The following OSBPL11 variants were observed in gnomAD, a reference collection of about 807,000 sequenced individuals.
OSBPL11 encodes the protein oxysterol-binding protein-related protein 11.
Under a neutral mutation model 84.4 loss-of-function variants are expected in OSBPL11, and 33 were observed. The observed-to-expected ratio is 0.39, with a 90% confidence interval of 0.30 to 0.52. The LOEUF (loss-of-function observed/expected upper bound fraction) is 0.52. OSBPL11 is among the 20% of genes least tolerant of loss of function. OSBPL11 has a pLI of 0.72. For synonymous variants in OSBPL11, 276 were observed against 310.2 expected (o/e 0.89, Z 1.16); for missense variants, 736 against 901.1 (o/e 0.82, Z 2.35).
intron 10 of OSBPL11, among the ~76,000 whole-genome samples, chr3:125,539,381 T>G (rs910436942): frequency 2.1e-5 from 3 of 146,232 alleles, no homozygotes; most frequent in Middle Eastern, 7.3e-3. Context: ...AGCAGATAGC[T>G]GTATTGATGC....
At chr3:125,560,937 G>A (rs1936067915) in intron 7 of OSBPL11, among the ~76,000 whole-genome samples, 1 of 152,012 alleles carries the variant, frequency 6.6e-6, no homozygotes, top group African/African-American at 2.4e-5. Context: ...GACCTCGAGC[G>A]ATCCACCCGC....
chr3:125,575,562 C>T (rs1211051512), intron 5 of OSBPL11, among the ~76,000 whole-genome samples: 1 of 151,772 alleles, frequency 6.6e-6, no homozygotes, highest in Non-Finnish European at 1.5e-5. Flanking sequence ...CAGGGTTTCA[C>T]TCTGCTACCC....
intron 9 of OSBPL11, among the ~76,000 whole-genome samples, chr3:125,549,640 C>G (rs140133219): frequency 5.9e-4 from 89 of 152,124 alleles, no homozygotes; most frequent in African/African-American, 2.0e-3. Context: ...AGCCAACATG[C>G]CCAGTTAATT....
chr3:125,585,919 A>G (rs938211308), intron 1 of OSBPL11, among the ~76,000 whole-genome samples: 1 of 152,152 alleles, frequency 6.6e-6, no homozygotes, highest in East Asian at 1.9e-4. Context: ...TCTAACTCTC[A>G]TGCTTTATTC....
chr3:125,575,369 G>A (rs1936306667), intron 5 of OSBPL11, among the ~76,000 whole-genome samples: 1 of 151,952 alleles, frequency 6.6e-6, no homozygotes, highest in East Asian at 1.9e-4. Flanking sequence ...ACATATATCA[G>A]TTATATATAT....
chr3:125,584,521 T>C (rs1239925221), intron 1 of OSBPL11, among the ~76,000 whole-genome samples: 1 of 152,240 alleles, frequency 6.6e-6, no homozygotes, highest in Non-Finnish European at 1.5e-5. Context: ...CCAAGATATT[T>C]CATAATTCGC....
At position 125,537,674 on chromosome 3, in the gene OSBPL11, A is replaced by G. The variant is rs571192357; in HGVS notation, c.2024+777T>C. Among the ~76,000 whole-genome samples, 3 of 151,898 alleles carry G rather than the reference A, an allele frequency of 2.0e-5. No individual in the cohort carries two copies. The East Asian group carries it at 5.8e-4, about 29-fold the overall frequency. ...TAAGATGTTTAGTGGTTCCCTGTATATTTTTTTTCTATTTTTAATTGATAG... is the reference window on the plus strand; with the variant it reads ...TAAGATGTTTAGTGGTTCCCTGTATGTTTTTTTTCTATTTTTAATTGATAG... On this transcript the variant is annotated intron_variant, in intron 11 of 12. Coordinates refer to ENST00000296220, the MANE Select transcript of OSBPL11 (RefSeq NM_022776.5).
chr3:125,580,252 C>T (rs1178667265), intron 2 of OSBPL11, among the ~76,000 whole-genome samples: 1 of 152,122 alleles, frequency 6.6e-6, no homozygotes, highest in Non-Finnish European at 1.5e-5. Context: ...CAGTGGCTCA[C>T]GCCTCTAATC....
At position 125,550,400 on chromosome 3, in the gene OSBPL11, CACACACAA is replaced by C. The variant is rs1261892817; in HGVS notation, c.1654+1773_1654+1780del. On this transcript the variant is annotated intron_variant, in intron 9 of 12. Transcript: ENST00000296220. ...ACACACACACACACACACACACACACACACACAACAAACAAAAAAAAAAAAAGAGAGTA... is the reference window on the plus strand; with the variant it reads ...ACACACACACACACACACACACACACCAAACAAAAAAAAAAAAAGAGAGTA... Among the ~76,000 whole-genome samples, 5 of 125,086 alleles carry C rather than the reference CACACACAA, an allele frequency of 4.0e-5. 1 individual carries two copies. Among genetic ancestry groups the C allele is most frequent in the Admixed American group, 7.8e-5 (1 of 12,804 alleles). 82.1% of individuals were successfully genotyped at this position (125,086 alleles called of 152,430 possible).
chr3:125,594,116 T>C (rs1473465885), intron 1 of OSBPL11, among the ~76,000 whole-genome samples: 1 of 152,214 alleles, frequency 6.6e-6, no homozygotes, highest in Non-Finnish European at 1.5e-5. Flanking sequence ...ATCAGAGGCA[T>C]TAGGATCTCT....
intron 6 of OSBPL11, among the ~76,000 whole-genome samples, chr3:125,564,411 TA>T (rs1253454312): frequency 3.9e-5 from 6 of 152,224 alleles, no homozygotes; most frequent in Non-Finnish European, 8.8e-5. Flanking sequence ...GAATAAATAA[TA>T]ACTGACCCAG....
rs77522517 is a variant in OSBPL11 at position 125,532,729 on chromosome 3, C to G, written c.2025-715G>C. On this transcript the variant is annotated intron_variant, in intron 11 of 12. Coordinates refer to ENST00000296220, the MANE Select transcript of OSBPL11 (RefSeq NM_022776.5). Reference sequence around the variant, plus strand: ...CTACCATAAACCCAGCAATTCCACTCCTGGGTATTTACCCAAGAAAAATGA... The same window carrying G: ...CTACCATAAACCCAGCAATTCCACTGCTGGGTATTTACCCAAGAAAAATGA... Among the ~76,000 whole-genome samples, 1,580 of 151,936 alleles carry G rather than the reference C, an allele frequency of 0.01. 85 individuals are homozygous for G. The East Asian group carries it at 0.13, about 12-fold the overall frequency.
At position 125,559,931 on chromosome 3, in the gene OSBPL11, T is replaced by A. The variant is rs1164158142; in HGVS notation, c.1155+448A>T. The stretch of plus-strand genomic sequence containing the variant: ...AAATAAAAAATACTGATCAGGAGAC[T>A]AAAAAAAAAAAATCATAAAAAATAA... On this transcript the variant is annotated intron_variant, in intron 8 of 12. Transcript: ENST00000296220. Among the ~76,000 whole-genome samples, 12 of 142,392 alleles carry A rather than the reference T, an allele frequency of 8.4e-5. No homozygotes were observed. The Admixed American group carries it at 8.4e-4, about 10-fold the overall frequency. 93.4% of individuals were successfully genotyped at this position (142,392 alleles called of 152,430 possible). A position where few individuals can be genotyped will look rare whatever the true frequency, so the allele number is the denominator to read the frequency against.
At chr3:125,550,855 A>G (rs1179400526) in intron 9 of OSBPL11, among the ~76,000 whole-genome samples, 1 of 152,174 alleles carries the variant, frequency 6.6e-6, no homozygotes, top group Non-Finnish European at 1.5e-5. Context: ...TAGCACCTAA[A>G]TATTCTATGA....
chr3:125,595,299 G>A lies in OSBPL11; in HGVS notation c.-499C>T, dbSNP rs968023230. On this transcript the variant is annotated 5_prime_UTR_variant, in exon 1 of 13. Transcript: ENST00000296220. ...CGCCGCAGCCCCCGAGATACAGCCA[G>A]GGCCGGCGCGCGCAGCCGGGGAGGA... Among the ~76,000 whole-genome samples the A allele has an allele frequency of 3.9e-5, 6 of 152,146 alleles. No homozygotes were observed. The highest frequency in any genetic ancestry group is 1.4e-4 in the African/African-American group (6 of 41,448).
At chr3:125,569,157 C>T (rs1297413690) in intron 5 of OSBPL11, among the ~76,000 whole-genome samples, 1 of 152,048 alleles carries the variant, frequency 6.6e-6, no homozygotes, top group Non-Finnish European at 1.5e-5. Flanking sequence ...CCATGAGGCC[C>T]ATGCTGGTCT....
intron 1 of OSBPL11, among the ~76,000 whole-genome samples, chr3:125,585,065 C>A (rs910165067): frequency 6.6e-6 from 1 of 152,080 alleles, no homozygotes; most frequent in Non-Finnish European, 1.5e-5. Flanking sequence ...CAGGCATGAG[C>A]CACAAATTTT....
At chr3:125,547,731 C>T (rs1345493579) in intron 9 of OSBPL11, 139 bp from the exon 10 acceptor site, 4 of 640,492 alleles carry the variant, frequency 6.2e-6, no homozygotes, top group Non-Finnish European at 1.0e-5. Flanking sequence ...ATGAAACTGA[C>T]TTCATTTATA....
In OSBPL11 at chr3:125,594,665, C is replaced by CGCGGCT. The variant is rs1553737707; in HGVS notation, c.130_135dup (p.Ser44_Arg45dup). 2.1e-5 allele frequency: 34 copies of CGCGGCT among 1,613,746 alleles called. No homozygotes were observed. The highest frequency in any genetic ancestry group is 2.7e-5 in the African/African-American group (2 of 74,906). On this transcript the variant is annotated inframe_insertion, in exon 1 of 13. Coordinates refer to ENST00000296220, the MANE Select transcript of OSBPL11 (RefSeq NM_022776.5). ...TACTGCCAGCCTTTTGCACTGCCAC[C>CGCGGCT]GCGGCTGCTGCTGCTGCTACTGATT...
Sources: allele counts gnomAD v4.1 joint callset (sites outside exome capture counted in the v4.1 genomes callset), GRCh38; gene constraint gnomAD v4.1.1; transcripts MANE v1.5; gene names NCBI Gene and HGNC (gene_info 2026-07-23, HGNC 2026-07-21).